The following GRAP2 variants were observed in gnomAD, a reference collection of about 807,000 sequenced individuals.
GRAP2 encodes the protein GRB2-related adapter protein 2.
A neutral mutation model predicts 43.5 loss-of-function variants in GRAP2; 31 were observed. That is an observed-to-expected ratio of 0.71 (90% confidence interval 0.54 to 0.96). The LOEUF (loss-of-function observed/expected upper bound fraction) is 0.96. Among genes scored for constraint, GRAP2 ranks in the 40% least tolerant of loss-of-function variants. The pLI, the probability that GRAP2 is intolerant of heterozygous loss-of-function variation, is 0.00. For synonymous variants in GRAP2, 156 were observed against 164.8 expected, an observed-to-expected ratio of 0.95 and a Z score of 0.41; for missense variants, 371 against 424.4, an observed-to-expected ratio of 0.87 and a Z score of 1.11.
intron 1 of GRAP2, among the ~76,000 whole-genome samples, chr22:39,944,951 G>C (rs182586187): frequency 6.6e-6 from 1 of 152,134 alleles, no homozygotes; most frequent in Non-Finnish European, 1.5e-5. Context: ...TTGATCCCAC[G>C]AGGCGACCAC....
rs73410590 is a variant in GRAP2 at position 39,940,413 on chromosome 22, T to C, written c.-14-6680T>C. 5.7e-3 allele frequency among the ~76,000 whole-genome samples: 856 copies of C among 151,338 alleles called. 6 individuals carry two copies. Among genetic ancestry groups the C allele is most frequent in the African/African-American group, 0.02 (810 of 41,206 alleles). On this transcript the variant is annotated intron_variant, in intron 1 of 7. Coordinates refer to ENST00000344138, the MANE Select transcript of GRAP2 (RefSeq NM_004810.4). Reference sequence around the variant, plus strand: ...TTTTTTTTTTTTCACTTTCCCACTTTATTTTCAGAATAGATTGATTTGGGT... The same window carrying C: ...TTTTTTTTTTTTCACTTTCCCACTTCATTTTCAGAATAGATTGATTTGGGT...
chr22:39,937,527 C>T (rs774710045), intron 1 of GRAP2, among the ~76,000 whole-genome samples: 3 of 152,146 alleles, frequency 2.0e-5, no homozygotes, highest in South Asian at 2.1e-4. Flanking sequence ...AAGTAGTATA[C>T]GCTTGGTGGC....
chr22:39,902,621 C>T (rs140956605), intron 1 of GRAP2, among the ~76,000 whole-genome samples: 62 of 152,158 alleles, frequency 4.1e-4, no homozygotes, highest in African/African-American at 1.4e-3. Context: ...CTTATTCTCC[C>T]CAAATTGTAA....
chr22:39,947,085 T>A lies in GRAP2; in HGVS notation c.-14-8T>A. The A allele has an allele frequency of 6.5e-7, 1 of 1,529,858 alleles. No homozygotes were observed. Among genetic ancestry groups the A allele is most frequent in the South Asian group, 1.1e-5 (1 of 89,346 alleles). The allele number at this position is 1,529,858 out of a possible 1,614,324, so 94.8% of individuals were successfully genotyped here. A position where few individuals can be genotyped will look rare whatever the true frequency, so the allele number is the denominator to read the frequency against. Reference sequence around the variant, plus strand: ...AGAGGCACAATGACCACATTATTTCTCTTCCAGCTTCACGTTACAGCATGG... The same window carrying A: ...AGAGGCACAATGACCACATTATTTCACTTCCAGCTTCACGTTACAGCATGG... On this transcript the variant is annotated splice_region_variant and splice_polypyrimidine_tract_variant and intron_variant, in intron 1 of 7. Coordinates refer to ENST00000344138, the MANE Select transcript of GRAP2 (RefSeq NM_004810.4).
At chr22:39,894,559 A>G in the GRAP2 span, among the ~76,000 whole-genome samples, 752 of 152,320 alleles carry the variant, frequency 4.9e-3, 7 homozygotes, top group African/African-American at 0.017. Flanking sequence ...GACTAGAAAT[A>G]CCACCAGCAC....
At chr22:39,970,643 G>A (rs1212863683) in intron 7 of GRAP2, among the ~76,000 whole-genome samples, 4 of 152,102 alleles carry the variant, frequency 2.6e-5, no homozygotes, top group Admixed American at 2.0e-4. Flanking sequence ...CAGGGTAGCC[G>A]GGCATGGTGG....
chr22:39,912,853 C>A (rs908655791), intron 1 of GRAP2, among the ~76,000 whole-genome samples: 1 of 151,804 alleles, frequency 6.6e-6, no homozygotes, highest in African/African-American at 2.4e-5. Flanking sequence ...CATCTAGGAC[C>A]AATGCTAACT....
Position 39,969,396 on chromosome 22 carries a change from G to A in GRAP2, c.691-15G>A. ...CTGGCAGTGGGGTGACCAGTCTTCTGTTGTATGTTTCTAGGAACGCCGAGG... is the reference window on the plus strand; with the variant it reads ...CTGGCAGTGGGGTGACCAGTCTTCTATTGTATGTTTCTAGGAACGCCGAGG... On this transcript the variant is annotated splice_polypyrimidine_tract_variant and intron_variant, in intron 6 of 7. Transcript: ENST00000344138. 6.2e-7 allele frequency: 1 copy of A among 1,613,404 alleles called. No homozygotes were observed. The highest frequency in any genetic ancestry group is 8.5e-7 in the Non-Finnish European group (1 of 1,179,572).
upstream of GRAP2, among the ~76,000 whole-genome samples, chr22:39,898,383 T>C (rs936588090): frequency 3.3e-5 from 5 of 152,214 alleles, no homozygotes; most frequent in Non-Finnish European, 7.3e-5. Flanking sequence ...TTCCAGCACC[T>C]AGAACAGGAC....
At chr22:39,932,733 A>AAG (rs1405335645) in intron 1 of GRAP2, among the ~76,000 whole-genome samples, 2 of 151,564 alleles carry the variant, frequency 1.3e-5, no homozygotes, top group Non-Finnish European at 2.9e-5. Flanking sequence ...AAAAAAAAAA[A>AAG]GTAGCAATAG....
At chr22:39,934,407 G>T (rs1296471882) in intron 1 of GRAP2, among the ~76,000 whole-genome samples, 1 of 152,134 alleles carries the variant, frequency 6.6e-6, no homozygotes, top group Non-Finnish European at 1.5e-5. Flanking sequence ...AGCCCTACCT[G>T]ATTCAAAAGT....
chr22:39,900,964 C>A, upstream of GRAP2: 1 of 245,070 alleles, frequency 4.1e-6, no homozygotes, highest in East Asian at 1.1e-4. Context: ...AAAAGTGTTT[C>A]AGTGAACCTC....
At chr22:39,955,987 C>T (rs1161366175) in intron 3 of GRAP2, 77 bp downstream of exon 3, 24 of 772,366 alleles carry the variant, frequency 3.1e-5, no homozygotes, top group Non-Finnish European at 2.3e-6. Flanking sequence ...CTACAGTTAT[C>T]CATGGGAACC....
intron 1 of GRAP2, among the ~76,000 whole-genome samples, chr22:39,909,118 G>A (rs1390800419): frequency 1.3e-5 from 2 of 152,174 alleles, no homozygotes; most frequent in East Asian, 3.8e-4. Flanking sequence ...GCTTTCTTGT[G>A]TAAACAAACT....
intron 1 of GRAP2, among the ~76,000 whole-genome samples, chr22:39,945,334 C>A (rs1291840336): frequency 6.6e-6 from 1 of 152,162 alleles, no homozygotes; most frequent in Non-Finnish European, 1.5e-5. Flanking sequence ...CTATAAATTA[C>A]CTTCGAAAGA....
At chr22:39,951,820 A>C (rs1399135972) in intron 2 of GRAP2, among the ~76,000 whole-genome samples, 2 of 152,002 alleles carry the variant, frequency 1.3e-5, no homozygotes, top group Non-Finnish European at 2.9e-5. Flanking sequence ...TTAAAAAAAA[A>C]CCTCACCTTC....
At chr22:39,894,073 C>A in the GRAP2 span, among the ~76,000 whole-genome samples, 1 of 147,332 alleles carries the variant, frequency 6.8e-6, no homozygotes, top group Non-Finnish European at 1.5e-5. Context: ...ATGTTCACAA[C>A]GTAAAAACGG....
intron 1 of GRAP2, among the ~76,000 whole-genome samples, chr22:39,920,939 C>A (rs1463309683): frequency 1.0e-5 from 1 of 97,044 alleles, no homozygotes; most frequent in African/African-American, 5.0e-5. Flanking sequence ...AACTTCTCTA[C>A]ACAGACACAC....
intron 1 of GRAP2, among the ~76,000 whole-genome samples, chr22:39,946,481 G>C (rs572810392): frequency 3.3e-5 from 5 of 152,232 alleles, no homozygotes; most frequent in African/African-American, 7.2e-5. Flanking sequence ...AAATGTACTT[G>C]GTTTATAATA....
Sources: allele counts gnomAD v4.1 joint callset (sites outside exome capture counted in the v4.1 genomes callset), GRCh38; gene constraint gnomAD v4.1.1; transcripts MANE v1.5; gene names NCBI Gene and HGNC (gene_info 2026-07-23, HGNC 2026-07-21).